The following NLGN1 variants were observed in gnomAD, a reference collection of about 807,000 sequenced individuals.
The protein encoded by NLGN1 is neuroligin-1.
In NLGN1, 12 loss-of-function variants were observed where a neutral mutation model predicts 65.5. That is an observed-to-expected ratio of 0.18 (90% CI 0.12 to 0.30). The LOEUF (loss-of-function observed/expected upper bound fraction) is 0.30, where lower values mean the gene tolerates loss of function less well. Among genes scored for constraint, NLGN1 ranks in the 10% least tolerant of loss-of-function variants. NLGN1 has a pLI of 1.00. For synonymous variants in NLGN1, 350 were observed against 359.5 expected (o/e 0.97, Z 0.30); for missense variants, 750 against 1,007.1 (o/e 0.74, Z 3.46).
At chr3:173,531,294 T>C (rs1359781097) in intron 2 of NLGN1, among the ~76,000 whole-genome samples, 1 of 152,108 alleles carries the variant, frequency 6.6e-6, no homozygotes, top group Non-Finnish European at 1.5e-5. Flanking sequence ...ACTTTAAAGT[T>C]TGGTATAAAT....
At chr3:174,237,594 G>C (rs1741962338) in intron 4 of NLGN1, among the ~76,000 whole-genome samples, 1 of 151,938 alleles carries the variant, frequency 6.6e-6, no homozygotes, top group Non-Finnish European at 1.5e-5. Flanking sequence ...GTCTTACTCT[G>C]TCACCCAGCT....
chr3:173,435,522 C>T (rs976560435), intron 2 of NLGN1, among the ~76,000 whole-genome samples: 12 of 151,846 alleles, frequency 7.9e-5, no homozygotes, highest in Admixed American at 3.9e-4. Flanking sequence ...ATAATCACTT[C>T]AATAAAGTCA....
intron 4 of NLGN1, among the ~76,000 whole-genome samples, chr3:173,935,019 A>G (rs749134917): frequency 6.6e-6 from 1 of 152,020 alleles, no homozygotes; most frequent in Non-Finnish European, 1.5e-5. Context: ...AATGGTTACA[A>G]TGTCTGTCCC....
At chr3:173,761,778 C>T (rs964198566) in intron 3 of NLGN1, among the ~76,000 whole-genome samples, 2 of 151,944 alleles carry the variant, frequency 1.3e-5, no homozygotes, top group African/African-American at 4.8e-5. Flanking sequence ...GTTCTTGTAG[C>T]CTTTGTTCTC....
intron 4 of NLGN1, among the ~76,000 whole-genome samples, chr3:174,244,735 G>T (rs1472691914): frequency 1.3e-5 from 2 of 152,142 alleles, no homozygotes; most frequent in African/African-American, 4.8e-5. Flanking sequence ...GCTAGTTTCT[G>T]ACCAGATATT....
intron 4 of NLGN1, among the ~76,000 whole-genome samples, chr3:173,835,514 G>C (rs1180536410): frequency 6.7e-6 from 1 of 149,818 alleles, no homozygotes; most frequent in East Asian, 2.0e-4. Flanking sequence ...TAGAGATAAA[G>C]CATATATATT....
chr3:174,042,201 T>C (rs1732479810), intron 4 of NLGN1, among the ~76,000 whole-genome samples: 1 of 152,226 alleles, frequency 6.6e-6, no homozygotes, highest in East Asian at 1.9e-4. Context: ...CAATGGTGTC[T>C]TTTGATGAGA....
intron 3 of NLGN1, among the ~76,000 whole-genome samples, chr3:173,670,734 A>G (rs1162955734): frequency 1.3e-5 from 2 of 152,196 alleles, no homozygotes; most frequent in Admixed American, 1.3e-4. Flanking sequence ...GTGTGTGACC[A>G]TTGAAAGGTG....
chr3:173,973,722 T>G (rs1351160005), intron 4 of NLGN1, among the ~76,000 whole-genome samples: 2 of 152,106 alleles, frequency 1.3e-5, no homozygotes, highest in East Asian at 3.9e-4. Flanking sequence ...TACTTAGATC[T>G]ATATGGCTTC....
chr3:173,404,209 T>C (rs1052238468), intron 1 of NLGN1, among the ~76,000 whole-genome samples: 2 of 152,146 alleles, frequency 1.3e-5, no homozygotes, highest in Non-Finnish European at 2.9e-5. Context: ...TTGCAATAAC[T>C]CTTTCTTCAG....
intron 3 of NLGN1, among the ~76,000 whole-genome samples, chr3:173,749,465 A>G (rs1025306820): frequency 1.3e-5 from 2 of 152,052 alleles, no homozygotes; most frequent in African/African-American, 2.4e-5. Context: ...GTTTGGTTAC[A>G]TGATGTGAGC....
chr3:173,476,134 C>CA (rs1161972269), intron 2 of NLGN1, among the ~76,000 whole-genome samples: 2 of 152,128 alleles, frequency 1.3e-5, no homozygotes, highest in Admixed American at 1.3e-4. Flanking sequence ...CCCAAGTGGC[C>CA]AGTAGACATA....
At chr3:174,263,251 T>C (rs1169371493) in intron 4 of NLGN1, among the ~76,000 whole-genome samples, 3 of 148,264 alleles carry the variant, frequency 2.0e-5, no homozygotes, top group African/African-American at 5.0e-5. Context: ...TGACTTTCTG[T>C]CTCGTTGATC....
chr3:174,090,480 G>C (rs1395735860), intron 4 of NLGN1, among the ~76,000 whole-genome samples: 1 of 151,462 alleles, frequency 6.6e-6, no homozygotes, highest in Non-Finnish European at 1.5e-5. Context: ...CTCAAAAAAA[G>C]AAAAAAGAAA....
At chr3:173,424,163 G>T (rs371171851) in intron 1 of NLGN1, among the ~76,000 whole-genome samples, 1 of 152,192 alleles carries the variant, frequency 6.6e-6, no homozygotes, top group African/African-American at 2.4e-5. Context: ...CAGCTGGAAT[G>T]CAGGGCACTA....
In NLGN1 at chr3:173,447,603, A is replaced by G. The variant is rs183171040; in HGVS notation, c.-321+12525A>G. ...TTTTTCCAATTCTGTGAAGAAAGTC[A>G]TTGGTAGCTTGATGGGGATGGCATT... On this transcript the variant is annotated intron_variant, in intron 2 of 6. Coordinates refer to ENST00000457714, the Ensembl canonical transcript of NLGN1. Among the ~76,000 whole-genome samples, 543 of 152,256 alleles carry G rather than the reference A, an allele frequency of 3.6e-3. 3 individuals are homozygous for G. The highest frequency in any genetic ancestry group is 0.012 in the African/African-American group (479 of 41,544).
At chr3:173,419,017 CTTCTTTTTTTTTTTTTTTT>C (rs1714411712) in intron 1 of NLGN1, among the ~76,000 whole-genome samples, 1 of 11,280 alleles carries the variant, frequency 8.9e-5, no homozygotes, top group African/African-American at 3.8e-4. Flanking sequence ...CTTTCTTCTT[CTTCTTTTTTTTTTTTTTTT>C]TTTTTTTTTT....
intron 2 of NLGN1, among the ~76,000 whole-genome samples, chr3:173,473,911 AGAATGTTG>A (rs1285195636): frequency 1.3e-5 from 2 of 152,162 alleles, no homozygotes; most frequent in Non-Finnish European, 2.9e-5. Flanking sequence ...CTGAAAATTA[AGAATGTTG>A]GTCTCTGCAG....
chr3:173,539,489 A>G (rs1577168621), intron 2 of NLGN1, among the ~76,000 whole-genome samples: 1 of 144,478 alleles, frequency 6.9e-6, no homozygotes, highest in South Asian at 2.1e-4. Context: ...ATGCATGTAT[A>G]TGTATGTATA....
Sources: allele counts gnomAD v4.1 joint callset (sites outside exome capture counted in the v4.1 genomes callset), GRCh38; gene constraint gnomAD v4.1.1; transcripts MANE v1.5; gene names NCBI Gene and HGNC (gene_info 2026-07-23, HGNC 2026-07-21).